Variants in PDPN observed in about 807,000 individuals in gnomAD.
PDPN encodes the protein PA2.26 antigen.
In PDPN, 12 loss-of-function variants were observed where a neutral mutation model predicts 23.2. The ratio of observed to expected loss-of-function variants is 0.52; its 90% CI spans 0.33 to 0.84. The LOEUF (loss-of-function observed/expected upper bound fraction) is 0.84, where lower values mean the gene tolerates loss of function less well. Ranked by LOEUF, PDPN falls within the 40% of genes least tolerant of loss-of-function variation. PDPN has a pLI of 0.02. For missense variants in PDPN, 199 were observed against 212.2 expected (o/e 0.94, Z 0.39); for synonymous variants, 77 against 76.7 (o/e 1.00, Z -0.02).
intron 1 of PDPN, among the ~76,000 whole-genome samples, chr1:13,593,500 A>C (rs146989428): frequency 1.4e-3 from 218 of 152,298 alleles, no homozygotes; most frequent in African/African-American, 4.9e-3. Flanking sequence ...TTTTCTAAAA[A>C]TCTACCAAAG....
chr1:13,601,293 A>T (rs1640635368), intron 1 of PDPN, among the ~76,000 whole-genome samples: 1 of 152,150 alleles, frequency 6.6e-6, no homozygotes, highest in African/African-American at 2.4e-5. Context: ...TGGAGTGGGG[A>T]TAGTTGGCAG....
intron 3 of PDPN, among the ~76,000 whole-genome samples, chr1:13,611,746 A>T (rs1366985378): frequency 6.6e-6 from 1 of 152,118 alleles, no homozygotes; most frequent in African/African-American, 2.4e-5. Flanking sequence ...TGTATGTTTT[A>T]CCACAGTGTT....
At chr1:13,592,270 CTT>C (rs777725722) in intron 1 of PDPN, among the ~76,000 whole-genome samples, 2 of 152,166 alleles carry the variant, frequency 1.3e-5, no homozygotes, top group Non-Finnish European at 2.9e-5. Context: ...ACTGGGTTGT[CTT>C]TTCAATTTCT....
intron 1 of PDPN, among the ~76,000 whole-genome samples, chr1:13,602,959 G>A (rs1393741046): frequency 1.3e-5 from 2 of 152,048 alleles, no homozygotes; most frequent in Admixed American, 6.5e-5. Context: ...TGGGAGGACT[G>A]CTTGAACCCA....
chr1:13,612,195 A>T (rs1301136130), intron 3 of PDPN, among the ~76,000 whole-genome samples: 2 of 152,212 alleles, frequency 1.3e-5, no homozygotes, highest in Non-Finnish European at 1.5e-5. Context: ...CATGTGAGCC[A>T]AAATGTCATT....
chr1:13,595,996 G>C (rs1317326056), intron 1 of PDPN: 1 of 522,030 alleles, frequency 1.9e-6, no homozygotes, highest in Admixed American at 2.7e-5. Flanking sequence ...TCAGGAGTTT[G>C]AGAGCAGCCT....
At chr1:13,592,972 A>G (rs1236799192) in intron 1 of PDPN, among the ~76,000 whole-genome samples, 1 of 152,186 alleles carries the variant, frequency 6.6e-6, no homozygotes, top group Non-Finnish European at 1.5e-5. Context: ...TACCAGTAGC[A>G]CCGTCTTGAT....
chr1:13,612,970 A>G (rs1290276068), intron 3 of PDPN, among the ~76,000 whole-genome samples: 1 of 150,470 alleles, frequency 6.6e-6, no homozygotes, highest in African/African-American at 2.4e-5. Flanking sequence ...CTCGTTATAT[A>G]AAGAGGTCAA....
intron 1 of PDPN, among the ~76,000 whole-genome samples, chr1:13,599,146 G>A (rs1640574563): frequency 6.6e-6 from 1 of 151,692 alleles, no homozygotes; most frequent in Non-Finnish European, 1.5e-5. Flanking sequence ...GAGTAGCTGG[G>A]ACTACAGGTG....
At chr1:13,608,012 G>A (rs1037962913) in intron 2 of PDPN, among the ~76,000 whole-genome samples, 2 of 152,150 alleles carry the variant, frequency 1.3e-5, no homozygotes, top group Non-Finnish European at 1.5e-5. Context: ...GGCTGAGACA[G>A]GAGAATAGCT....
intron 1 of PDPN, among the ~76,000 whole-genome samples, chr1:13,591,939 T>C (rs1355602447): frequency 6.6e-6 from 1 of 152,238 alleles, no homozygotes; most frequent in Non-Finnish European, 1.5e-5. Flanking sequence ...ATACATGCTG[T>C]TCTGGTTTCT....
chr1:13,592,120 T>A (rs934134922), intron 1 of PDPN, among the ~76,000 whole-genome samples: 1 of 152,262 alleles, frequency 6.6e-6, no homozygotes, highest in Non-Finnish European at 1.5e-5. Flanking sequence ...TTTGGAGATA[T>A]GTTTGTTTAA....
chr1:13,591,768 C>T (rs995868566), intron 1 of PDPN, among the ~76,000 whole-genome samples: 2 of 152,216 alleles, frequency 1.3e-5, no homozygotes, highest in Non-Finnish European at 2.9e-5. Context: ...AGTCATAGCT[C>T]ACGACAGCCT....
intron 1 of PDPN, among the ~76,000 whole-genome samples, chr1:13,600,459 G>A (rs994048205): frequency 4.6e-4 from 70 of 151,356 alleles, no homozygotes; most frequent in African/African-American, 1.7e-3. Context: ...CCTCTGCCTC[G>A]GTTCAAGCGA....
At chr1:13,605,647 G>A (rs963049664) in intron 1 of PDPN, among the ~76,000 whole-genome samples, 4 of 151,902 alleles carry the variant, frequency 2.6e-5, no homozygotes, top group Non-Finnish European at 5.9e-5. Flanking sequence ...TCTTTGAGAC[G>A]GAGTCCTGCT....
chr1:13,598,728 G>A (rs1026027866), intron 1 of PDPN, among the ~76,000 whole-genome samples: 6 of 152,010 alleles, frequency 3.9e-5, no homozygotes, highest in East Asian at 1.9e-4. Context: ...CCCGTGCAGC[G>A]CCCCATGCTC....
In PDPN at chr1:13,584,014, G is replaced by A; in HGVS notation, c.-20G>A. On this transcript the variant is annotated 5_prime_UTR_variant, in exon 1 of 6. Coordinates refer to ENST00000621990, the MANE Select transcript of PDPN (RefSeq NM_006474.5). ...ATCTTGCTGCTCGGCCCCCAGGAGA[G>A]CAACAACTCAACGGGAACGATGTGG... The A allele has an allele frequency of 6.2e-7, 1 of 1,613,536 alleles. No homozygotes were observed. Among genetic ancestry groups the A allele is most frequent in the East Asian group, 2.2e-5 (1 of 44,876 alleles).
Position 13,617,840 on chromosome 1 carries a change from A to C in PDPN, c.*1929A>C, listed in dbSNP as rs1168063237. 1.3e-5 allele frequency: 2 copies of C among 152,196 alleles called. No individual in the cohort carries two copies. The highest frequency in any genetic ancestry group is 2.9e-5 in the Non-Finnish European group (2 of 68,080). 9.4% of individuals were successfully genotyped at this position (152,196 alleles called of 1,614,324 possible). ...CTGTGAAAAATAACAGTCCACCCCA[A>C]GTCATACACTGGACCCAGTGCCTGC... On this transcript the variant is annotated 3_prime_UTR_variant, in exon 6 of 6. Coordinates refer to ENST00000621990, the MANE Select transcript of PDPN (RefSeq NM_006474.5).
chr1:13,617,305 C>G lies in PDPN; in HGVS notation c.*1394C>G, dbSNP rs2100298135. 6.6e-6 allele frequency: 1 copy of G among 152,260 alleles called. No individual in the cohort carries two copies. The highest frequency in any genetic ancestry group is 2.1e-4 in the South Asian group (1 of 4,810). 9.4% of individuals were successfully genotyped at this position (152,260 alleles called of 1,614,324 possible). On this transcript the variant is annotated 3_prime_UTR_variant, in exon 6 of 6. Transcript: ENST00000621990. ...TATCATTCGGAAGCACAGCCCATTCCTCCCATTTTTTGCAATGATGTCTGG... is the reference window on the plus strand; with the variant it reads ...TATCATTCGGAAGCACAGCCCATTCGTCCCATTTTTTGCAATGATGTCTGG...
Sources: allele counts gnomAD v4.1 joint callset (sites outside exome capture counted in the v4.1 genomes callset), GRCh38; gene constraint gnomAD v4.1.1; transcripts MANE v1.5; gene names NCBI Gene and HGNC (gene_info 2026-07-23, HGNC 2026-07-21).